Variants in TFDP2 observed in about 807,000 individuals in gnomAD.
TFDP2 encodes the protein transcription factor Dp-2, also known as transcription factor Dp-2 (E2F dimerization partner 2).
In TFDP2, 17 loss-of-function variants were observed where a neutral mutation model predicts 59.3. The observed-to-expected ratio is 0.29, with a 90% confidence interval of 0.20 to 0.43. The LOEUF (loss-of-function observed/expected upper bound fraction) is 0.43. Among genes scored for constraint, TFDP2 ranks in the 20% least tolerant of loss-of-function variants. The pLI is 1.00. For synonymous variants in TFDP2, 180 were observed against 194.7 expected (o/e 0.92, Z 0.63); for missense variants, 391 against 528.8 (o/e 0.74, Z 2.56).
At chr3:142,147,058 CAAAA>C (rs3070389) in intron 1 of TFDP2, among the ~76,000 whole-genome samples, 7 of 105,090 alleles carry the variant, frequency 6.7e-5, no homozygotes, top group African/African-American at 6.3e-5. Flanking sequence ...AACCCTGTCT[CAAAA>C]AAAAAAAAAA....
chr3:141,960,384 A>G (rs1461824815), intron 10 of TFDP2, among the ~76,000 whole-genome samples: 1 of 152,220 alleles, frequency 6.6e-6, no homozygotes, highest in Non-Finnish European at 1.5e-5. Context: ...AAAATGTCAC[A>G]TGTAATACAA....
chr3:142,120,954 C>G (rs530736465), intron 1 of TFDP2, among the ~76,000 whole-genome samples: 2 of 151,946 alleles, frequency 1.3e-5, no homozygotes, highest in Non-Finnish European at 2.9e-5. Flanking sequence ...GATTGTAGAA[C>G]GGAAAATTAA....
At chr3:142,016,360 G>A (rs1484002801) in intron 3 of TFDP2, among the ~76,000 whole-genome samples, 1 of 147,336 alleles carries the variant, frequency 6.8e-6, no homozygotes, top group Non-Finnish European at 1.5e-5. Context: ...GTGCAGTGGT[G>A]CGATCTCAGC....
chr3:142,103,033 C>A (rs1165094462), intron 1 of TFDP2, among the ~76,000 whole-genome samples: 3 of 152,042 alleles, frequency 2.0e-5, no homozygotes, highest in Admixed American at 2.0e-4. Context: ...GTCAGGAGTT[C>A]GAGACCAGCC....
chr3:142,116,715 A>G (rs1159288220), intron 1 of TFDP2, among the ~76,000 whole-genome samples: 1 of 151,778 alleles, frequency 6.6e-6, no homozygotes, highest in Non-Finnish European at 1.5e-5. Context: ...TTTGGTTTTG[A>G]GTTTTTTCTC....
At chr3:142,073,259 G>C (rs1299468335) in intron 3 of TFDP2, among the ~76,000 whole-genome samples, 2 of 152,038 alleles carry the variant, frequency 1.3e-5, no homozygotes, top group Non-Finnish European at 2.9e-5. Flanking sequence ...TTTTTGTAGA[G>C]GCAGGGTCTC....
intron 3 of TFDP2, among the ~76,000 whole-genome samples, chr3:142,059,307 C>G (rs568828001): frequency 6.6e-6 from 1 of 152,064 alleles, no homozygotes. Flanking sequence ...TGTTTCCTAA[C>G]AAGTGGGTTG....
chr3:142,113,572 A>G (rs2061737799), intron 1 of TFDP2, among the ~76,000 whole-genome samples: 1 of 152,046 alleles, frequency 6.6e-6, no homozygotes, highest in South Asian at 2.1e-4. Flanking sequence ...ACTTTTTGAA[A>G]TATTATTTGG....
intron 1 of TFDP2, among the ~76,000 whole-genome samples, chr3:142,108,107 T>C (rs2061535305): frequency 6.6e-6 from 1 of 152,180 alleles, no homozygotes; most frequent in African/African-American, 2.4e-5. Context: ...ATGAGCTTTC[T>C]TGAAGAGTGA....
intron 11 of TFDP2, among the ~76,000 whole-genome samples, chr3:141,958,598 C>A (rs11569279): frequency 0.029 from 4,457 of 152,218 alleles, 226 homozygotes; most frequent in African/African-American, 0.1. Flanking sequence ...CAGTAATGTG[C>A]TTTCCTCAGC....
intron 3 of TFDP2, among the ~76,000 whole-genome samples, chr3:142,070,477 C>G (rs1175154814): frequency 6.6e-6 from 1 of 152,076 alleles, no homozygotes; most frequent in Admixed American, 6.6e-5. Flanking sequence ...GGCAATGCCT[C>G]CCTGTGCTGC....
intron 1 of TFDP2, 52 bp downstream of exon 1, chr3:142,149,131 C>A: frequency 2.5e-6 from 1 of 397,880 alleles, no homozygotes. Context: ...CGCGCCCGGC[C>A]GGGTCCAAAG....
At chr3:142,061,597 G>C (rs2059914669) in intron 3 of TFDP2, among the ~76,000 whole-genome samples, 1 of 152,094 alleles carries the variant, frequency 6.6e-6, no homozygotes, top group Non-Finnish European at 1.5e-5. Context: ...ATCTGCTTCT[G>C]TTTGAGCTGG....
chr3:141,950,241 A>T lies in TFDP2; in HGVS notation c.*2272T>A, dbSNP rs925070617. On this transcript the variant is annotated 3_prime_UTR_variant, in exon 13 of 13. Transcript: ENST00000489671. ...TCTGAACAGCTCAACCTAGTTTCTA[A>T]AGGCAAGATTTTACTCCAGCGACAT... The T allele has an allele frequency of 6.6e-6, 1 of 152,114 alleles. No homozygotes were observed. The highest frequency in any genetic ancestry group is 6.6e-5 in the Admixed American group (1 of 15,266). The allele number at this position is 152,114 out of a possible 1,614,324, so 9.4% of individuals were successfully genotyped here.
intron 1 of TFDP2, among the ~76,000 whole-genome samples, chr3:142,129,886 G>C (rs1165005002): frequency 6.6e-6 from 1 of 152,048 alleles, no homozygotes; most frequent in East Asian, 1.9e-4. Flanking sequence ...AAACCACAAT[G>C]AGATACCACC....
intron 1 of TFDP2, among the ~76,000 whole-genome samples, chr3:142,143,095 G>A (rs1012643451): frequency 6.6e-6 from 1 of 152,130 alleles, no homozygotes; most frequent in Non-Finnish European, 1.5e-5. Flanking sequence ...AATTAGCCAG[G>A]CATGGTGGCA....
rs759007829 is a variant in TFDP2, at chr3:141,978,700, T to C, written c.357-18A>G. On this transcript the variant is annotated intron_variant, in intron 6 of 12. Coordinates refer to ENST00000489671, the MANE Select transcript of TFDP2 (RefSeq NM_001178139.2). ...TTCGTTTACTAGAAGGGAAAAAAGT[T>C]TTTTTTACTCCATTATACATATTAG... 18 of 1,580,202 alleles carry C rather than the reference T, an allele frequency of 1.1e-5. No individual in the cohort carries two copies. Among genetic ancestry groups the C allele is most frequent in the Non-Finnish European group, 1.5e-5 (18 of 1,165,706 alleles).
chr3:142,049,802 C>A (rs980824866), intron 3 of TFDP2, among the ~76,000 whole-genome samples: 2 of 151,740 alleles, frequency 1.3e-5, no homozygotes, highest in African/African-American at 4.8e-5. Flanking sequence ...CTTCTGCCAA[C>A]AAAACAAAAT....
chr3:142,014,504 A>G (rs113505929), intron 3 of TFDP2, among the ~76,000 whole-genome samples: 10,573 of 152,204 alleles, frequency 0.069, 472 homozygotes, highest in Non-Finnish European at 0.11. Context: ...GTCCCAGAAC[A>G]CTAGGCTAAA....
Sources: allele counts gnomAD v4.1 joint callset (sites outside exome capture counted in the v4.1 genomes callset), GRCh38; gene constraint gnomAD v4.1.1; transcripts MANE v1.5; gene names NCBI Gene and HGNC (gene_info 2026-07-23, HGNC 2026-07-21).